RPTOR: variants seen among roughly 807,000 people sequenced by gnomAD.
The protein encoded by RPTOR is regulatory associated protein of MTOR complex 1, also known as regulatory-associated protein of mTOR.
RPTOR carries 21 observed loss-of-function variants against 169.9 expected under a neutral mutation model. The ratio of observed to expected loss-of-function variants is 0.12; its 90% CI spans 0.09 to 0.18. RPTOR has a LOEUF of 0.18. Ranked by LOEUF, RPTOR falls within the 10% of genes least tolerant of loss-of-function variation. The probability of loss-of-function intolerance (pLI) is 1.00; values close to 1 mark genes in which losing one functional copy is unlikely to be tolerated. For missense variants in RPTOR, 1,133 were observed against 1,855.9 expected (o/e 0.61, Z 7.16); for synonymous variants, 732 against 753.2 (o/e 0.97, Z 0.46).
intron 5 of RPTOR, among the ~76,000 whole-genome samples, chr17:80,738,638 C>A (rs112482725): frequency 1.3e-5 from 2 of 152,302 alleles, no homozygotes; most frequent in African/African-American, 4.8e-5. Flanking sequence ...CGGCAATCTC[C>A]TACACAGCGG....
intron 3 of RPTOR, among the ~76,000 whole-genome samples, chr17:80,680,491 G>A (rs2065890414): frequency 6.6e-6 from 1 of 152,064 alleles, no homozygotes; most frequent in South Asian, 2.1e-4. Context: ...AAATTAGCTG[G>A]GCGCAGTGGC....
chr17:80,945,652 T>G lies in RPTOR; in HGVS notation c.3026-15T>G. The stretch of plus-strand genomic sequence containing the variant: ...GCTGGCTCCTGGATCCACTCTTGTG[T>G]GTTTCTTTTGACAGGCATTACGAGA... On this transcript the variant is annotated splice_polypyrimidine_tract_variant and intron_variant, in intron 25 of 33. Transcript: ENST00000306801. 1 of 1,517,360 alleles carries G rather than the reference T, an allele frequency of 6.6e-7. No homozygotes were observed. The allele number at this position is 1,517,360 out of a possible 1,614,324, so 94.0% of individuals were successfully genotyped here. A position where few individuals can be genotyped will look rare whatever the true frequency, so the allele number is the denominator to read the frequency against.
chr17:80,807,867 T>C (rs972702563), intron 7 of RPTOR, among the ~76,000 whole-genome samples: 5 of 152,204 alleles, frequency 3.3e-5, no homozygotes, highest in African/African-American at 1.2e-4. Flanking sequence ...AGTCTTCCCA[T>C]TGTTACAACT....
chr17:80,570,833 C>A (rs1042252721), intron 1 of RPTOR, among the ~76,000 whole-genome samples: 3 of 152,038 alleles, frequency 2.0e-5, no homozygotes, highest in Non-Finnish European at 1.5e-5. Flanking sequence ...CCTAATTATC[C>A]CCCCCAGTGG....
chr17:80,896,477 C>CG (rs879645073), intron 20 of RPTOR, among the ~76,000 whole-genome samples: 69,276 of 105,170 alleles, frequency 0.66, 23,007 homozygotes, highest in Non-Finnish European at 0.72. Context: ...ACCGACACAT[C>CG]CCACGGCCGC....
chr17:80,548,951 T>G (rs2084312229), intron 1 of RPTOR, among the ~76,000 whole-genome samples: 1 of 152,254 alleles, frequency 6.6e-6, no homozygotes, highest in Non-Finnish European at 1.5e-5. Context: ...TCATTAGTTC[T>G]TACTGGCTCC....
At chr17:80,908,992 C>A in intron 21 of RPTOR, 63 bp downstream of exon 21, 1 of 1,117,288 alleles carries the variant, frequency 9.0e-7, no homozygotes, top group Non-Finnish European at 1.4e-6. Context: ...GTATGCATGC[C>A]AGGAACTCCA....
chr17:80,906,270 T>G (rs991120324), intron 20 of RPTOR, among the ~76,000 whole-genome samples: 3 of 151,930 alleles, frequency 2.0e-5, no homozygotes, highest in African/African-American at 7.3e-5. Flanking sequence ...ACGGAGCAGT[T>G]CCTAGGAGCC....
At chr17:80,799,614 A>C in intron 7 of RPTOR, among the ~76,000 whole-genome samples, 1 of 152,338 alleles carries the variant, frequency 6.6e-6, no homozygotes, top group East Asian at 1.9e-4. Flanking sequence ...ACGTGACGCA[A>C]GGAGAATAAC....
chr17:80,838,102 G>T, intron 10 of RPTOR, 105 bp downstream of exon 10: 1 of 907,760 alleles, frequency 1.1e-6, no homozygotes, highest in South Asian at 1.6e-5. Context: ...GGACTCTCGG[G>T]TGTCAGATTT....
intron 4 of RPTOR, among the ~76,000 whole-genome samples, chr17:80,719,638 G>C (rs917945313): frequency 1.3e-5 from 2 of 152,168 alleles, no homozygotes; most frequent in Non-Finnish European, 2.9e-5. Flanking sequence ...AAGGACAGGG[G>C]TCAGCAGATT....
intron 1 of RPTOR, among the ~76,000 whole-genome samples, chr17:80,595,137 T>C (rs1426658708): frequency 1.3e-5 from 2 of 152,096 alleles, no homozygotes; most frequent in African/African-American, 4.8e-5. Context: ...TTGGTAACCC[T>C]TTCACTTTCT....
rs2068213142 is a variant in RPTOR at position 80,883,930 on chromosome 17, T to C, written c.1800T>C (p.Ala600=). ...GGTGGTGCGGCGTGAGGGACAGCGC[T>C]CATGAGAAGCTCTACAGCCTCCTCT... is the stretch of plus-strand genomic sequence containing the variant. The part of the protein sequence containing the change: ...SARWCGVRDS[A]HEKLYSLLSD... The change falls in exon 16 of 34, where the codon GCT becomes GCC. Residue 600 remains alanine (A), a synonymous_variant. Coordinates refer to ENST00000306801, the MANE Select transcript of RPTOR (RefSeq NM_020761.3). 1 of 1,613,234 alleles carries C rather than the reference T, an allele frequency of 6.2e-7. No individual in the cohort carries two copies.
chr17:80,892,174 T>C (rs2068333420), intron 18 of RPTOR, among the ~76,000 whole-genome samples: 1 of 152,102 alleles, frequency 6.6e-6, no homozygotes, highest in Non-Finnish European at 1.5e-5. Flanking sequence ...ATCACACTGC[T>C]CTTGGCTCCG....
At chr17:80,552,545 C>G (rs2084358328) in intron 1 of RPTOR, among the ~76,000 whole-genome samples, 1 of 152,196 alleles carries the variant, frequency 6.6e-6, no homozygotes, top group African/African-American at 2.4e-5. Context: ...AGGACCTAGT[C>G]TAGTCTATGC....
chr17:80,713,593 T>C (rs535038878), intron 4 of RPTOR, among the ~76,000 whole-genome samples: 4 of 152,208 alleles, frequency 2.6e-5, no homozygotes, highest in East Asian at 3.9e-4. Flanking sequence ...CAAAGACATA[T>C]GAAGTTTGAG....
Position 80,803,304 on chromosome 17 carries a change from T to G in RPTOR, c.890+11795T>G, listed in dbSNP as rs1026082261. Reference sequence around the variant, plus strand: ...CTTCTGGAAACCGAGGCAAGGGAGGTGGAGAGACTTGCTCAGGGTCACAGA... The same window carrying G: ...CTTCTGGAAACCGAGGCAAGGGAGGGGGAGAGACTTGCTCAGGGTCACAGA... On this transcript the variant is annotated intron_variant, in intron 7 of 33. Transcript: ENST00000306801. This position sits in a 1 kb window ranked among gnomAD's most constrained non-coding sequence, Gnocchi z 6.2. 6.6e-6 allele frequency: 1 copy of G among 151,908 alleles called. No individual in the cohort carries two copies. Among genetic ancestry groups the G allele is most frequent in the African/African-American group, 2.4e-5 (1 of 41,294 alleles). 9.4% of individuals were successfully genotyped at this position (151,908 alleles called of 1,614,324 possible). A position where few individuals can be genotyped will look rare whatever the true frequency, so the allele number is the denominator to read the frequency against.
chr17:80,893,010 A>ACTCATCACCATGT, intron 19 of RPTOR, 141 bp downstream of exon 19: 3 of 1,046,882 alleles, frequency 2.9e-6, no homozygotes, highest in Non-Finnish European at 4.2e-6. Context: ...CAACATGGTG[A>ACTCATCACCATGT]TGAGTCACCC....
Position 80,883,842 on chromosome 17 carries a change from C to A in RPTOR, c.1712C>A (p.Pro571His), listed in dbSNP as rs750870985. The A allele has an allele frequency of 6.2e-6, 10 of 1,613,650 alleles. No individual in the cohort carries two copies. The Admixed American group carries it at 1.3e-4, about 22-fold the overall frequency. Residue 571 changes from proline (P) to histidine (H), a missense_variant, in exon 16 of 34, where the codon CCC (proline) becomes CAC (histidine). By Grantham distance (77) the Pro-to-His change is moderately conservative. Coordinates refer to ENST00000306801, the MANE Select transcript of RPTOR (RefSeq NM_020761.3). ...CTGGAGCAGCTCAACGACCCGCACC[C>A]CTTGCTGCGCCAGTGGGTGGCCATC... Reference protein sequence around the residue: ...ICLEQLNDPHPLLRQWVAICL... With the variant: ...ICLEQLNDPHHLLRQWVAICL...
Sources: allele counts gnomAD v4.1 joint callset (sites outside exome capture counted in the v4.1 genomes callset), GRCh38; gene constraint gnomAD v4.1.1; non-coding constraint Gnocchi (gnomAD v3.1); transcripts MANE v1.5; gene names NCBI Gene and HGNC (gene_info 2026-07-23, HGNC 2026-07-21).